The following UBE2D3 variants were observed in gnomAD, a reference collection of about 807,000 sequenced individuals.
UBE2D3 encodes ubiquitin conjugating enzyme E2 D3.
In UBE2D3, 2 loss-of-function variants were observed where a neutral mutation model predicts 22.8. The ratio of observed to expected loss-of-function variants is 0.09; its 90% confidence interval spans 0.04 to 0.28. The LOEUF (loss-of-function observed/expected upper bound fraction) is 0.28. Ranked by LOEUF, UBE2D3 falls within the 10% of genes least tolerant of loss-of-function variation. UBE2D3 has a pLI of 1.00. For missense variants in UBE2D3, 27 were observed against 182.5 expected (o/e 0.15, Z 4.91); for synonymous variants, 56 against 60.4 (o/e 0.93, Z 0.34).
intron 2 of UBE2D3, chr4:102,825,724 T>C (rs762695064): frequency 1.9e-6 from 1 of 539,350 alleles, no homozygotes; most frequent in South Asian, 1.5e-5. Flanking sequence ...ATAGGTACAT[T>C]AGCTTTCCCT....
intron 4 of UBE2D3, among the ~76,000 whole-genome samples, chr4:102,802,875 A>G (rs1163972067): frequency 1.3e-5 from 2 of 152,224 alleles, no homozygotes; most frequent in Non-Finnish European, 2.9e-5. Flanking sequence ...TTTTTTAAAA[A>G]GTTATCCAGA....
intron 1 of UBE2D3, among the ~76,000 whole-genome samples, chr4:102,862,553 T>C (rs1732950022): frequency 6.6e-6 from 1 of 152,238 alleles, no homozygotes; most frequent in South Asian, 2.1e-4. Flanking sequence ...TCTTAGTTTA[T>C]TCCTCATTTA....
At chr4:102,828,002 C>T (rs192614489), upstream of UBE2D3, 361 of 985,486 alleles carry the variant, frequency 3.7e-4, 3 homozygotes, top group African/African-American at 6.1e-3. Context: ...GAAGCGGTAG[C>T]TCTGCAATGA....
intron 2 of UBE2D3, chr4:102,825,454 A>G: frequency 8.8e-7 from 1 of 1,142,526 alleles, no homozygotes; most frequent in South Asian, 1.8e-5. Flanking sequence ...AAAAGTTAAC[A>G]TTTAACAAAT....
intron 1 of UBE2D3, among the ~76,000 whole-genome samples, chr4:102,858,770 T>C (rs906437221): frequency 3.9e-5 from 6 of 151,930 alleles, no homozygotes; most frequent in Admixed American, 6.6e-5. Context: ...TTTATGATAA[T>C]AACAACTTAG....
intron 4 of UBE2D3, among the ~76,000 whole-genome samples, chr4:102,803,617 T>A (rs1445516233): frequency 6.6e-6 from 1 of 152,236 alleles, no homozygotes; most frequent in Non-Finnish European, 1.5e-5. Context: ...ATTTTTTTTA[T>A]CTTGATGAGC....
In UBE2D3 at chr4:102,794,731, C is replaced by CT. The variant is rs1236979596; in HGVS notation, c.*2683dup. ...GACCACTAGTTAACTGTGGTTCATA[C>CT]TTTAAAATGTGAGTACACCCACACA... On this transcript the variant is annotated 3_prime_UTR_variant, in exon 8 of 8. Transcript: ENST00000453744. 6.6e-6 allele frequency: 1 copy of CT among 151,766 alleles called. No individual in the cohort carries two copies. Among genetic ancestry groups the CT allele is most frequent in the Non-Finnish European group, 1.5e-5 (1 of 67,890 alleles). 9.4% of individuals were successfully genotyped at this position (151,766 alleles called of 1,614,324 possible). A position where few individuals can be genotyped will look rare whatever the true frequency, so the allele number is the denominator to read the frequency against.
intron 1 of UBE2D3, chr4:102,843,244 T>C (rs1273660612): frequency 6.6e-6 from 1 of 152,146 alleles, no homozygotes; most frequent in African/African-American, 2.4e-5. Flanking sequence ...AATTACAACA[T>C]AGACCCTTAA....
intron 2 of UBE2D3, among the ~76,000 whole-genome samples, chr4:102,823,831 G>A (rs1281822263): frequency 6.6e-6 from 1 of 152,174 alleles, no homozygotes; most frequent in African/African-American, 2.4e-5. Context: ...TGGACTAAAG[G>A]TTAAAACTAT....
At chr4:102,798,111 C>T (rs1403360494) in intron 7 of UBE2D3, among the ~76,000 whole-genome samples, 1 of 151,420 alleles carries the variant, frequency 6.6e-6, no homozygotes, top group African/African-American at 2.4e-5. Context: ...CTGTTGAGTA[C>T]AACAAGGGCA....
At chr4:102,829,800 G>A (rs569140706), upstream of UBE2D3, among the ~76,000 whole-genome samples, 1 of 152,134 alleles carries the variant, frequency 6.6e-6, no homozygotes, top group Non-Finnish European at 1.5e-5. Context: ...TTAGCTGGGC[G>A]TAGTGGCGGG....
intron 4 of UBE2D3, 183 bp downstream of exon 4, chr4:102,809,489 C>CA: frequency 4.5e-6 from 3 of 663,110 alleles, no homozygotes; most frequent in Non-Finnish European, 7.6e-6. Flanking sequence ...GGGATAGACA[C>CA]AAAGTACACG....
At chr4:102,805,001 T>C (rs1322878333) in intron 4 of UBE2D3, among the ~76,000 whole-genome samples, 2 of 152,146 alleles carry the variant, frequency 1.3e-5, no homozygotes, top group African/African-American at 2.4e-5. Flanking sequence ...ATTGAAGTTT[T>C]AATAACCTAA....
At chr4:102,809,988 T>G in intron 2 of UBE2D3, 133 bp from the exon 3 acceptor site, 4 of 830,502 alleles carry the variant, frequency 4.8e-6, no homozygotes, top group Non-Finnish European at 7.9e-6. Context: ...AAATAATATA[T>G]TCCATTAGGA....
intron 1 of UBE2D3, 173 bp from the exon 2 acceptor site, chr4:102,826,809 G>A (rs925986571): frequency 7.2e-6 from 9 of 1,241,906 alleles, no homozygotes; most frequent in Admixed American, 4.1e-5. Context: ...GACGGGAAGA[G>A]CGGAGGTGGT....
intron 4 of UBE2D3, 158 bp downstream of exon 4, chr4:102,809,514 C>A (rs1263300545): frequency 1.3e-6 from 1 of 774,060 alleles, no homozygotes; most frequent in Non-Finnish European, 2.1e-6. Context: ...AAATGACTAA[C>A]TCATTATGTT....
At position 102,853,940 on chromosome 4, in the gene UBE2D3, T is replaced by C. The variant is rs75810932; in HGVS notation, c.-129+14775A>G. On this transcript the variant is annotated intron_variant, in intron 1 of 7. Transcript: ENST00000338145. ...AATTAGAGGTGTGCTTAGCTCAGTGTCTGTCCATATTAGGCACTCAGTAAA... is the reference window on the plus strand; with the variant it reads ...AATTAGAGGTGTGCTTAGCTCAGTGCCTGTCCATATTAGGCACTCAGTAAA... Among the ~76,000 whole-genome samples the C allele has an allele frequency of 8.8e-3, 1,337 of 152,314 alleles. 13 individuals are homozygous for C. Among genetic ancestry groups the C allele is most frequent in the African/African-American group, 0.029 (1,222 of 41,568 alleles).
upstream of UBE2D3, among the ~76,000 whole-genome samples, chr4:102,829,032 A>G (rs144124577): frequency 6.6e-6 from 1 of 152,374 alleles, no homozygotes; most frequent in African/African-American, 2.4e-5. Context: ...ATAAAAACTT[A>G]ACACGTCAAC....
chr4:102,868,394 C>A (rs915756781), intron 1 of UBE2D3, among the ~76,000 whole-genome samples: 9 of 151,974 alleles, frequency 5.9e-5, no homozygotes, highest in African/African-American at 1.7e-4. Context: ...ACCACTTTCC[C>A]GAAGGAAAAG....
Sources: allele counts gnomAD v4.1 joint callset (sites outside exome capture counted in the v4.1 genomes callset), GRCh38; gene constraint gnomAD v4.1.1; transcripts MANE v1.5; gene names NCBI Gene and HGNC (gene_info 2026-07-23, HGNC 2026-07-21).